The following TIAM1 variants were observed in gnomAD, a reference collection of about 807,000 sequenced individuals.
TIAM1 encodes the protein TIAM Rac1 associated GEF 1.
TIAM1 carries 65 observed loss-of-function variants against 163.5 expected under a neutral mutation model. The ratio of observed to expected loss-of-function variants is 0.40; its 90% CI spans 0.33 to 0.49. The LOEUF is 0.49. Among genes scored for constraint, TIAM1 ranks in the 20% least tolerant of loss-of-function variants. The pLI, the probability that TIAM1 is intolerant of heterozygous loss-of-function variation, is 0.77. For synonymous variants in TIAM1, 833 were observed against 810.1 expected (o/e 1.03, Z -0.48); for missense variants, 1,789 against 2,044.7 (o/e 0.87, Z 2.41).
intron 22 of TIAM1, among the ~76,000 whole-genome samples, chr21:31,140,345 T>C (rs1188854314): frequency 2.6e-5 from 4 of 152,236 alleles, no homozygotes; most frequent in African/African-American, 9.6e-5. Flanking sequence ...AAACTGAGTC[T>C]AATCTCTAGT....
intron 1 of TIAM1, among the ~76,000 whole-genome samples, chr21:31,541,049 A>T (rs1228535669): frequency 6.6e-6 from 1 of 152,236 alleles, no homozygotes; most frequent in Non-Finnish European, 1.5e-5. Flanking sequence ...ATTCAAATCA[A>T]GAGCTATTTT....
rs546789710 is a variant in TIAM1 at position 31,336,363 on chromosome 21, G to C, written c.-189+2880C>G. On this transcript the variant is annotated intron_variant, in intron 2 of 27. Transcript: ENST00000541036. ...CTCCCTCCGGGGGGAAGATGGGCTA[G>C]CCACTGTGCCTGAAGCCAAGAGATG... Among the ~76,000 whole-genome samples the C allele has an allele frequency of 3.3e-5, 5 of 152,278 alleles. No individual in the cohort carries two copies. The South Asian group carries it at 1.0e-3, about 32-fold the overall frequency.
At chr21:31,324,332 G>A (rs757310569) in intron 2 of TIAM1, among the ~76,000 whole-genome samples, 1 of 152,032 alleles carries the variant, frequency 6.6e-6, no homozygotes, top group African/African-American at 2.4e-5. Context: ...CAGCCTGGGC[G>A]ACGGAGAGAA....
chr21:31,529,737 ATAAACT>A (rs2047912724), intron 1 of TIAM1, among the ~76,000 whole-genome samples: 1 of 151,902 alleles, frequency 6.6e-6, no homozygotes, highest in Non-Finnish European at 1.5e-5. Context: ...ACATGTGTTT[ATAAACT>A]TAAAGTCCAT....
intron 1 of TIAM1, among the ~76,000 whole-genome samples, chr21:31,535,801 C>T (rs1327668362): frequency 2.0e-5 from 3 of 152,134 alleles, no homozygotes; most frequent in South Asian, 2.1e-4. Flanking sequence ...CTGGCACATC[C>T]ACCGTGTGAC....
chr21:31,397,332 C>T (rs1020095739), intron 2 of TIAM1, among the ~76,000 whole-genome samples: 5 of 152,134 alleles, frequency 3.3e-5, no homozygotes, highest in African/African-American at 1.2e-4. Context: ...ACAGCAAGTG[C>T]CAAATTCCTA....
upstream of TIAM1, among the ~76,000 whole-genome samples, chr21:31,344,540 G>A (rs192449522): frequency 6.6e-6 from 1 of 152,098 alleles, no homozygotes; most frequent in Non-Finnish European, 1.5e-5. Context: ...TACAGCACGT[G>A]GCAAAAAAGC....
chr21:31,436,605 C>G (rs2044217980), intron 2 of TIAM1, among the ~76,000 whole-genome samples: 1 of 151,776 alleles, frequency 6.6e-6, no homozygotes, highest in East Asian at 1.9e-4. Flanking sequence ...TGCACTCCAC[C>G]CTGGGTGACA....
chr21:31,246,863 G>A (rs1323286755), intron 5 of TIAM1, among the ~76,000 whole-genome samples: 3 of 152,012 alleles, frequency 2.0e-5, no homozygotes, highest in African/African-American at 7.2e-5. Flanking sequence ...TTTGACCATG[G>A]GCTCTGCTTA....
rs567440256 is a variant in TIAM1, at chr21:31,530,132, T to C, written c.-422+28795A>G. Among the ~76,000 whole-genome samples the C allele has an allele frequency of 5.9e-5, 9 of 152,326 alleles. No homozygotes were observed. The South Asian group carries it at 1.0e-3, about 18-fold the overall frequency. On this transcript the variant is annotated intron_variant, in intron 1 of 28. Transcript: ENST00000286827. ...CTATTCTCCCAGTTCCAGGCTACCG[T>C]CAATGCCATCTCCCAGGGCAACCTC...
intron 1 of TIAM1, among the ~76,000 whole-genome samples, chr21:31,502,291 AGACAGGGTCT>A (rs1258259588): frequency 6.6e-6 from 1 of 152,278 alleles, no homozygotes; most frequent in East Asian, 1.9e-4. Context: ...TTATCTTTTG[AGACAGGGTCT>A]CGCTCTGTCG....
At chr21:31,351,180 T>C (rs2076228020) in intron 2 of TIAM1, among the ~76,000 whole-genome samples, 1 of 152,174 alleles carries the variant, frequency 6.6e-6, no homozygotes, top group South Asian at 2.1e-4. Flanking sequence ...GGTGACACAT[T>C]TAGGGTCATA....
intron 2 of TIAM1, among the ~76,000 whole-genome samples, chr21:31,432,241 C>T (rs963232317): frequency 5.3e-5 from 8 of 152,024 alleles, no homozygotes; most frequent in Admixed American, 5.2e-4. Context: ...GCTGGGACTA[C>T]AGGCACATGC....
chr21:31,199,236 C>T (rs538985974), intron 12 of TIAM1, among the ~76,000 whole-genome samples: 11 of 152,288 alleles, frequency 7.2e-5, no homozygotes, highest in African/African-American at 1.9e-4. Context: ...TCTTGCCTGA[C>T]GATGACTCTC....
intron 1 of TIAM1, among the ~76,000 whole-genome samples, chr21:31,475,518 T>C (rs79397879): frequency 1.8e-4 from 28 of 152,320 alleles, no homozygotes; most frequent in African/African-American, 6.7e-4. Context: ...TTCCCCTTCC[T>C]TGGGGTGCAA....
At chr21:31,513,657 C>G (rs2047285690) in intron 1 of TIAM1, among the ~76,000 whole-genome samples, 1 of 152,148 alleles carries the variant, frequency 6.6e-6, no homozygotes, top group Admixed American at 6.5e-5. Context: ...AACTCTTGTA[C>G]AGATACCATG....
In TIAM1 at chr21:31,257,734, C is replaced by T. The variant is rs572169006; in HGVS notation, c.964-5545G>A. Among the ~76,000 whole-genome samples, 105 of 152,218 alleles carry T rather than the reference C, an allele frequency of 6.9e-4. 1 individual carries two copies. The highest frequency in any genetic ancestry group is 1.9e-3 in the African/African-American group (81 of 41,548). ...GTGTCCCGCGTTAAAACTTGAGCTTCGATGTCCCCACCCACTAGTGAAATT... is the reference window on the plus strand; with the variant it reads ...GTGTCCCGCGTTAAAACTTGAGCTTTGATGTCCCCACCCACTAGTGAAATT... On this transcript the variant is annotated intron_variant, in intron 4 of 27. Coordinates refer to ENST00000541036, the MANE Select transcript of TIAM1 (RefSeq NM_001353694.2).
intron 26 of TIAM1, among the ~76,000 whole-genome samples, chr21:31,126,762 G>A (rs945011136): frequency 1.3e-5 from 2 of 152,078 alleles, no homozygotes; most frequent in Admixed American, 1.3e-4. Flanking sequence ...GGGCAAAAGA[G>A]GGTGGCAGGG....
At position 31,120,277 on chromosome 21, in the gene TIAM1, TA is replaced by T; in HGVS notation, c.*90del. ...AAACCGTGTGTGCAAGAGCGCGACC[TA>T]AGGGGACATTCTTGTCGACGGTACA... On this transcript the variant is annotated 3_prime_UTR_variant, in exon 28 of 28. Coordinates refer to ENST00000541036, the MANE Select transcript of TIAM1 (RefSeq NM_001353694.2). This position sits in a 1 kb window ranked among gnomAD's most constrained non-coding sequence, Gnocchi z 4.2. The T allele has an allele frequency of 4.5e-6, 6 of 1,338,226 alleles. No individual in the cohort carries two copies. Among genetic ancestry groups the T allele is most frequent in the Non-Finnish European group, 5.1e-6 (5 of 987,364 alleles). 82.9% of individuals were successfully genotyped at this position (1,338,226 alleles called of 1,614,324 possible). A position where few individuals can be genotyped will look rare whatever the true frequency, so the allele number is the denominator to read the frequency against.
Sources: allele counts gnomAD v4.1 joint callset (sites outside exome capture counted in the v4.1 genomes callset), GRCh38; gene constraint gnomAD v4.1.1; non-coding constraint Gnocchi (gnomAD v3.1); transcripts MANE v1.5; gene names NCBI Gene and HGNC (gene_info 2026-07-23, HGNC 2026-07-21).